The following RAP1A variants were observed in gnomAD, a reference collection of about 807,000 sequenced individuals.
RAP1A encodes the protein ras-related protein Rap-1A.
In RAP1A, 6 loss-of-function variants were observed where a neutral mutation model predicts 26.4. That is an observed-to-expected ratio of 0.23 (90% CI 0.12 to 0.45). The LOEUF is 0.45. RAP1A is among the 20% of genes least tolerant of loss of function. The pLI, the probability that RAP1A is intolerant of heterozygous loss-of-function variation, is 0.99. For missense variants in RAP1A, 121 were observed against 217.2 expected (o/e 0.56, Z 2.78); for synonymous variants, 73 against 79.4 (o/e 0.92, Z 0.43).
intron 1 of RAP1A, among the ~76,000 whole-genome samples, chr1:111,606,685 G>A (rs1163802124): frequency 6.6e-6 from 1 of 152,192 alleles, no homozygotes; most frequent in Non-Finnish European, 1.5e-5. Flanking sequence ...GCAAGTCACG[G>A]TGTTGTTATT....
At chr1:111,630,522 A>G (rs1398431019) in intron 1 of RAP1A, among the ~76,000 whole-genome samples, 2 of 152,348 alleles carry the variant, frequency 1.3e-5, no homozygotes, top group African/African-American at 4.8e-5. Flanking sequence ...CAAGTAAATA[A>G]GATAATTTCA....
chr1:111,629,731 C>CT (rs557887801), intron 1 of RAP1A, among the ~76,000 whole-genome samples: 27 of 152,076 alleles, frequency 1.8e-4, no homozygotes, highest in South Asian at 4.2e-4. Flanking sequence ...GTGCGTGTGA[C>CT]TTTTTTTTAC....
At position 111,704,506 on chromosome 1, in the gene RAP1A, C is replaced by T; in HGVS notation, c.468+20C>T. ...AATGAGGTAACCTACAACTGCTGGGCAGCACAAACAAGTGCCTTTTTAGTT... is the reference window on the plus strand; with the variant it reads ...AATGAGGTAACCTACAACTGCTGGGTAGCACAAACAAGTGCCTTTTTAGTT... On this transcript the variant is annotated intron_variant, in intron 6 of 7. Coordinates refer to ENST00000369709, the MANE Select transcript of RAP1A (RefSeq NM_002884.4). 6.4e-7 allele frequency: 1 copy of T among 1,569,552 alleles called. No individual in the cohort carries two copies. Among genetic ancestry groups the T allele is most frequent in the Non-Finnish European group, 8.6e-7 (1 of 1,156,936 alleles).
chr1:111,584,660 A>G (rs1257783777), intron 1 of RAP1A, among the ~76,000 whole-genome samples: 1 of 152,212 alleles, frequency 6.6e-6, no homozygotes, highest in Non-Finnish European at 1.5e-5. Flanking sequence ...CCGAAGAAAC[A>G]AACAGCCTCT....
intron 1 of RAP1A, chr1:111,686,680 G>A: frequency 2.2e-5 from 2 of 90,592 alleles, no homozygotes; most frequent in African/African-American, 4.4e-5. Flanking sequence ...AACAGAGTGA[G>A]ACCCTATCTC....
intron 1 of RAP1A, among the ~76,000 whole-genome samples, chr1:111,592,970 G>A (rs568142648): frequency 2.8e-4 from 43 of 152,296 alleles, no homozygotes; most frequent in African/African-American, 1.0e-3. Flanking sequence ...ATCAGTGGGT[G>A]TGTTGGGGGG....
rs774094273 is a variant in RAP1A at position 111,691,339 on chromosome 1, CAG to C, written c.-21_-20del. 2 of 1,601,360 alleles carry C rather than the reference CAG, an allele frequency of 1.2e-6. No individual in the cohort carries two copies. The highest frequency in any genetic ancestry group is 2.2e-5 in the South Asian group (2 of 89,172). ...TTTTTTTGTTTGTTTTTCAGATCGT[CAG>C]TATTTAAACAGATCACATCATGCGT... is the stretch of plus-strand genomic sequence containing the variant. On this transcript the variant is annotated 5_prime_UTR_variant, in exon 2 of 8. Transcript: ENST00000369709.
intron 1 of RAP1A, among the ~76,000 whole-genome samples, chr1:111,630,393 T>G (rs2101102430): frequency 6.6e-6 from 1 of 152,282 alleles, no homozygotes; most frequent in Admixed American, 6.5e-5. Flanking sequence ...TATTGAGTGA[T>G]TATTGAGTGC....
intron 1 of RAP1A, among the ~76,000 whole-genome samples, chr1:111,611,970 C>G (rs2101080374): frequency 1.3e-5 from 2 of 151,746 alleles, no homozygotes; most frequent in South Asian, 4.2e-4. Context: ...ATTCAGATAT[C>G]CATATATTTG....
chr1:111,583,553 T>A (rs17028032), intron 1 of RAP1A, among the ~76,000 whole-genome samples: 5,040 of 152,174 alleles, frequency 0.033, 301 homozygotes, highest in African/African-American at 0.12. Flanking sequence ...AGTTTATTTT[T>A]AAAATACGCA....
intron 7 of RAP1A, among the ~76,000 whole-genome samples, chr1:111,711,752 A>G (rs1303500281): frequency 6.6e-6 from 1 of 152,240 alleles, no homozygotes; most frequent in African/African-American, 2.4e-5. Context: ...ATGAACTCTG[A>G]GGCCACCTTA....
intron 1 of RAP1A, among the ~76,000 whole-genome samples, chr1:111,597,855 T>C (rs1571489515): frequency 6.6e-6 from 1 of 152,190 alleles, no homozygotes; most frequent in East Asian, 1.9e-4. Context: ...ATGACTCTAT[T>C]GAGTTTCTAC....
chr1:111,629,898 C>T (rs1216135503), intron 1 of RAP1A, among the ~76,000 whole-genome samples: 1 of 152,150 alleles, frequency 6.6e-6, no homozygotes, highest in African/African-American at 2.4e-5. Flanking sequence ...ATACTTCTGC[C>T]TGTTTGTCCA....
intron 1 of RAP1A, among the ~76,000 whole-genome samples, chr1:111,610,798 T>A (rs1019900646): frequency 6.6e-6 from 1 of 152,308 alleles, no homozygotes; most frequent in Admixed American, 6.5e-5. Flanking sequence ...ATATAACAGA[T>A]CCATATTAAC....
intron 1 of RAP1A, among the ~76,000 whole-genome samples, chr1:111,637,412 A>G (rs997892273): frequency 6.6e-6 from 1 of 152,164 alleles, no homozygotes; most frequent in African/African-American, 2.4e-5. Flanking sequence ...CACAGATATA[A>G]CTGTATATTT....
At chr1:111,664,565 T>C (rs749320519) in intron 1 of RAP1A, among the ~76,000 whole-genome samples, 3 of 152,092 alleles carry the variant, frequency 2.0e-5, no homozygotes, top group Non-Finnish European at 2.9e-5. Context: ...TAACATTCTG[T>C]CTACCTACAC....
At chr1:111,571,762 G>T (rs1203569771) in intron 1 of RAP1A, among the ~76,000 whole-genome samples, 2 of 152,154 alleles carry the variant, frequency 1.3e-5, no homozygotes, top group African/African-American at 4.8e-5. Context: ...TTTAGTTTGG[G>T]ACAGGTCATT....
intron 1 of RAP1A, among the ~76,000 whole-genome samples, chr1:111,643,354 A>G (rs72695293): frequency 0.017 from 2,531 of 152,276 alleles, 35 homozygotes; most frequent in Non-Finnish European, 0.027. Context: ...GCACATTCTG[A>G]TAACTATTTT....
At chr1:111,659,283 A>C (rs1460903036) in intron 1 of RAP1A, among the ~76,000 whole-genome samples, 2 of 152,198 alleles carry the variant, frequency 1.3e-5, no homozygotes, top group Non-Finnish European at 2.9e-5. Context: ...GACTGACAGC[A>C]ATACCTAATA....
Sources: gnomAD v4.1 joint callset for allele counts (sites outside exome capture counted in the v4.1 genomes callset) on GRCh38, gnomAD v4.1.1 for gene constraint, MANE v1.5 for transcripts, NCBI Gene and HGNC (gene_info 2026-07-23, HGNC 2026-07-21) for gene names.